TMPRSS3: variants seen among roughly 807,000 people sequenced by gnomAD.
TMPRSS3 encodes transmembrane serine protease 3.
Under a neutral mutation model 59.6 loss-of-function variants are expected in TMPRSS3, and 55 were observed. That is an observed-to-expected ratio of 0.92 (90% CI 0.74 to 1.16). The LOEUF is 1.16. TMPRSS3 is among the 50% of genes most tolerant of loss of function. TMPRSS3 has a pLI of 0.00. For missense variants in TMPRSS3, 596 were observed against 579.4 expected, an observed-to-expected ratio of 1.03 and a Z score of -0.29; for synonymous variants, 257 against 237.7, an observed-to-expected ratio of 1.08 and a Z score of -0.75.
Position 42,375,789 on chromosome 21 carries a change from C to CCAAA in TMPRSS3, c.1270_1271insTTTG (p.Cys424PhefsTer44), listed in dbSNP as rs888223361. 7.4e-6 allele frequency: 12 copies of CCAAA among 1,613,870 alleles called. No homozygotes were observed. Among genetic ancestry groups the CCAAA allele is most frequent in the Non-Finnish European group, 7.6e-6 (9 of 1,180,026 alleles). On this transcript the variant is annotated frameshift_variant, in exon 12 of 13. Transcript: ENST00000644384. LOFTEE classifies it high-confidence loss of function. ...CACCCCAGGCTTGTTCACCTCTGCG[C>CCAAA]AGCCGATGCCAAAGCTGGTCGCTCC...
chr21:42,395,311 T>C lies in TMPRSS3; in HGVS notation c.94+13A>G, dbSNP rs1489355681. ...GGGCAGAAATCACAGAGTCCTCACC[T>C]GGGTCCACTTACCTGGTGCAACAGG... On this transcript the variant is annotated intron_variant, in intron 2 of 12. Transcript: ENST00000644384. 6.2e-7 allele frequency: 1 copy of C among 1,611,160 alleles called. No individual in the cohort carries two copies. The highest frequency in any genetic ancestry group is 2.2e-5 in the East Asian group (1 of 44,888).
chr21:42,378,118 C>G (rs926893093), intron 10 of TMPRSS3, among the ~76,000 whole-genome samples: 1 of 152,230 alleles, frequency 6.6e-6, no homozygotes, highest in African/African-American at 2.4e-5. Context: ...TAGAAAGGCC[C>G]TGGACCAGCC....
rs1286984546 is a variant in TMPRSS3, at chr21:42,372,106, G to A, written c.*656C>T. ...TGCAGTTCTGCACTTCTGGGCTGGT[G>A]CGTCTTTTCTGAGTGGCTGTTGGTG... On this transcript the variant is annotated 3_prime_UTR_variant, in exon 13 of 13. Transcript: ENST00000644384. The A allele has an allele frequency of 2.2e-6, 1 of 454,328 alleles. No homozygotes were observed. The highest frequency in any genetic ancestry group is 1.6e-5 in the South Asian group (1 of 64,476). 28.1% of individuals were successfully genotyped at this position (454,328 alleles called of 1,614,324 possible).
In TMPRSS3 at chr21:42,383,256, G is replaced by T. The variant is rs904951953; in HGVS notation, c.617-58C>A. On this transcript the variant is annotated intron_variant, in intron 7 of 12. Coordinates refer to ENST00000644384, the MANE Select transcript of TMPRSS3 (RefSeq NM_001256317.3). ...CCTGCAGACTTCTTTGGGGGACATGGTGTCACCACCATGCACCTGCTCCTC... is the reference window on the plus strand; with the variant it reads ...CCTGCAGACTTCTTTGGGGGACATGTTGTCACCACCATGCACCTGCTCCTC... The T allele has an allele frequency of 5.7e-6, 9 of 1,574,726 alleles. No individual in the cohort carries two copies. The African/African-American group carries it at 6.7e-5, about 12-fold the overall frequency.
At position 42,388,303 on chromosome 21, in the gene TMPRSS3, G is replaced by T. The variant is rs368114978; in HGVS notation, c.446+100C>A. 1 of 1,529,886 alleles carries T rather than the reference G, an allele frequency of 6.5e-7. No individual in the cohort carries two copies. Among genetic ancestry groups the T allele is most frequent in the African/African-American group, 1.4e-5 (1 of 73,266 alleles). 94.8% of individuals were successfully genotyped at this position (1,529,886 alleles called of 1,614,324 possible). ...GGATGTGAGGATGTAATCTGAGAGCGTTAAAGCACCCAATAGTGCCCAACT... is the reference window on the plus strand; with the variant it reads ...GGATGTGAGGATGTAATCTGAGAGCTTTAAAGCACCCAATAGTGCCCAACT... On this transcript the variant is annotated intron_variant, in intron 5 of 12. Coordinates refer to ENST00000644384, the MANE Select transcript of TMPRSS3 (RefSeq NM_001256317.3). This position sits in a 1 kb window ranked among gnomAD's most constrained non-coding sequence, Gnocchi z 5.1.
intron 10 of TMPRSS3, 111 bp downstream of exon 10, chr21:42,380,006 G>T: frequency 2.3e-6 from 2 of 884,866 alleles, no homozygotes; most frequent in Non-Finnish European, 3.7e-6. Context: ...CCCTGGCCGG[G>T]GTATCTGGGC....
At chr21:42,373,590 T>G (rs943224072) in intron 12 of TMPRSS3, among the ~76,000 whole-genome samples, 1 of 152,248 alleles carries the variant, frequency 6.6e-6, no homozygotes, top group African/African-American at 2.4e-5. Flanking sequence ...ATAAACGCCC[T>G]GCAATCTTCA....
At chr21:42,384,273 G>C (rs2052588112) in intron 6 of TMPRSS3, among the ~76,000 whole-genome samples, 1 of 152,112 alleles carries the variant, frequency 6.6e-6, no homozygotes, top group Non-Finnish European at 1.5e-5. Flanking sequence ...TAGATAGCTA[G>C]TGATAAAGGA....
chr21:42,382,303 T>C, intron 8 of TMPRSS3, 69 bp from the exon 9 acceptor site: 2 of 1,416,830 alleles, frequency 1.4e-6, no homozygotes, highest in Non-Finnish European at 2.0e-6. Flanking sequence ...ACCTCAGGTA[T>C]CCTGAAAACC....
intron 8 of TMPRSS3, chr21:42,382,697 T>G: frequency 2.3e-6 from 1 of 437,984 alleles, no homozygotes; most frequent in African/African-American, 2.0e-5. Context: ...CGTCTCACCC[T>G]GTCTCTGCCA....
intron 3 of TMPRSS3, 153 bp from the exon 4 acceptor site, chr21:42,389,198 C>A: frequency 1.3e-6 from 2 of 1,493,826 alleles, no homozygotes; most frequent in Non-Finnish European, 1.8e-6. Flanking sequence ...TTCCTGCAGC[C>A]CAGTTTCTGT....
chr21:42,390,959 C>T (rs2146454615), intron 2 of TMPRSS3, among the ~76,000 whole-genome samples: 1 of 152,280 alleles, frequency 6.6e-6, no homozygotes, highest in African/African-American at 2.4e-5. Flanking sequence ...GCCTTGATGA[C>T]ACCTTGGAAT....
chr21:42,394,504 A>G (rs2052776085), intron 2 of TMPRSS3, among the ~76,000 whole-genome samples: 1 of 152,074 alleles, frequency 6.6e-6, no homozygotes, highest in Non-Finnish European at 1.5e-5. Flanking sequence ...TCTTTCATTG[A>G]CACTTAGCTA....
At chr21:42,381,007 ATTTGTTTCTGGGCAT>A (rs1056633543) in intron 9 of TMPRSS3, among the ~76,000 whole-genome samples, 2 of 152,158 alleles carry the variant, frequency 1.3e-5, no homozygotes, top group African/African-American at 2.4e-5. Context: ...CTCTGGAAAT[ATTTGTTTCTGGGCAT>A]TACGTGTCCA....
At chr21:42,383,617 C>G in intron 7 of TMPRSS3, 2 of 529,242 alleles carry the variant, frequency 3.8e-6, no homozygotes, top group Non-Finnish European at 7.0e-6. Flanking sequence ...TCCCCTCTGC[C>G]AGGAACGAGG....
Position 42,372,658 on chromosome 21 carries a change from C to T in TMPRSS3, c.*104G>A. The T allele has an allele frequency of 8.1e-7, 1 of 1,229,228 alleles. No individual in the cohort carries two copies. The highest frequency in any genetic ancestry group is 1.2e-6 in the Non-Finnish European group (1 of 829,216). The allele number at this position is 1,229,228 out of a possible 1,614,324, so 76.1% of individuals were successfully genotyped here. A position where few individuals can be genotyped will look rare whatever the true frequency, so the allele number is the denominator to read the frequency against. On this transcript the variant is annotated 3_prime_UTR_variant, in exon 13 of 13. Coordinates refer to ENST00000644384, the MANE Select transcript of TMPRSS3 (RefSeq NM_001256317.3). ...CTACTGGTGCCGGAACTCAGAGCTC[C>T]AAGGGTGTCTGCTCGTGTGCAGGTT... is the stretch of plus-strand genomic sequence containing the variant.
At chr21:42,387,371 AGTGTGTGT>A (rs59669731) in intron 5 of TMPRSS3, among the ~76,000 whole-genome samples, 9 of 147,092 alleles carry the variant, frequency 6.1e-5, no homozygotes, top group Non-Finnish European at 1.0e-4. Context: ...AGCTGTGTGC[AGTGTGTGT>A]GTGTGTGTGT....
At chr21:42,378,069 G>A (rs2052460586) in intron 10 of TMPRSS3, among the ~76,000 whole-genome samples, 1 of 152,246 alleles carries the variant, frequency 6.6e-6, no homozygotes, top group Non-Finnish European at 1.5e-5. Context: ...TGGTGTCCCA[G>A]CTCCCACCAC....
chr21:42,373,999 G>T (rs1434380697), intron 12 of TMPRSS3, among the ~76,000 whole-genome samples: 2 of 152,172 alleles, frequency 1.3e-5, no homozygotes, highest in Admixed American at 6.5e-5. Flanking sequence ...TCTGTGTCCC[G>T]TGAAGGCCTC....
Sources: gnomAD v4.1 joint callset for allele counts (sites outside exome capture counted in the v4.1 genomes callset) on GRCh38, gnomAD v4.1.1 for gene constraint, Gnocchi (gnomAD v3.1) non-coding constraint, MANE v1.5 for transcripts, NCBI Gene and HGNC (gene_info 2026-07-23, HGNC 2026-07-21) for gene names.